Variants in HOMER2 observed in about 807,000 individuals in gnomAD.
The protein encoded by HOMER2 is homer scaffold protein 2.
In HOMER2, 27 loss-of-function variants were observed where a neutral mutation model predicts 47.0. That is an observed-to-expected ratio of 0.57 (90% CI 0.42 to 0.79). The LOEUF (loss-of-function observed/expected upper bound fraction) is 0.79. Ranked by LOEUF, HOMER2 falls within the 30% of genes least tolerant of loss-of-function variation. The pLI, the probability that HOMER2 is intolerant of heterozygous loss-of-function variation, is 0.00. For missense variants in HOMER2, 443 were observed against 435.0 expected (o/e 1.02, Z -0.16); for synonymous variants, 161 against 163.8 (o/e 0.98, Z 0.13).
chr15:82,877,561 T>C (rs2052390650), intron 2 of HOMER2, among the ~76,000 whole-genome samples: 2 of 152,200 alleles, frequency 1.3e-5, no homozygotes, highest in African/African-American at 4.8e-5. Flanking sequence ...GTTGTCTGAC[T>C]CCAAGACTTG....
At chr15:82,975,901 A>T (rs1194398456) in intron 1 of HOMER2, among the ~76,000 whole-genome samples, 1 of 152,234 alleles carries the variant, frequency 6.6e-6, no homozygotes, top group Non-Finnish European at 1.5e-5. Flanking sequence ...TTGAGGGGAT[A>T]GATACCCCAT....
intron 8 of HOMER2, among the ~76,000 whole-genome samples, chr15:82,850,447 T>A (rs572406907): frequency 7.4e-4 from 113 of 152,324 alleles, no homozygotes; most frequent in African/African-American, 2.3e-3. Flanking sequence ...ACCATGGAGA[T>A]GTTCTGTGGC....
At position 82,970,489 on chromosome 15, in the gene HOMER2, T is replaced by C. The variant is rs2029947308; in HGVS notation, n.83-11181A>G. On this transcript the variant is annotated intron_variant and non_coding_transcript_variant, in intron 1 of 1. Coordinates refer to the HOMER2 transcript ENST00000500334. ...CCACTGACTCATAATTCTTTTTTTA[T>C]CTTTGGTTTTGATCCTTACTTCCCA... is the stretch of plus-strand genomic sequence containing the variant. Among the ~76,000 whole-genome samples, 6 of 152,220 alleles carry C rather than the reference T, an allele frequency of 3.9e-5. No homozygotes were observed. The South Asian group carries it at 1.2e-3, about 32-fold the overall frequency.
intron 2 of HOMER2, among the ~76,000 whole-genome samples, chr15:82,877,668 T>G (rs1359660900): frequency 6.6e-6 from 1 of 152,200 alleles, no homozygotes; most frequent in Non-Finnish European, 1.5e-5. Flanking sequence ...AGTACTGATG[T>G]TCATGTGCTA....
At chr15:82,892,460 G>A (rs1403243924) in intron 2 of HOMER2, among the ~76,000 whole-genome samples, 1 of 152,130 alleles carries the variant, frequency 6.6e-6, no homozygotes, top group South Asian at 2.1e-4. Flanking sequence ...ATTATAGGCC[G>A]TCGGCAGAAT....
chr15:82,859,973 C>T (rs571046916), intron 4 of HOMER2, among the ~76,000 whole-genome samples: 9 of 152,180 alleles, frequency 5.9e-5, no homozygotes, highest in Middle Eastern at 3.4e-3. Flanking sequence ...GTCGGCCGGG[C>T]GCGGTGGCTC....
chr15:82,926,820 C>T (rs1400015745), intron 1 of HOMER2, among the ~76,000 whole-genome samples: 1 of 152,238 alleles, frequency 6.6e-6, no homozygotes, highest in African/African-American at 2.4e-5. Context: ...GTGAGTTCCA[C>T]CCTTTTTTCT....
At chr15:82,974,074 G>A (rs1242312403) in intron 1 of HOMER2, among the ~76,000 whole-genome samples, 1 of 151,550 alleles carries the variant, frequency 6.6e-6, no homozygotes, top group African/African-American at 2.4e-5. Context: ...CTCCAGCCTG[G>A]GTGAAAAAAT....
chr15:82,847,523 T>G (rs1317109966), downstream of HOMER2, among the ~76,000 whole-genome samples: 1 of 152,208 alleles, frequency 6.6e-6, no homozygotes, highest in Admixed American at 6.5e-5. Flanking sequence ...GGGTCTCAAC[T>G]GCACAGCAGC....
intron 2 of HOMER2, among the ~76,000 whole-genome samples, chr15:82,892,194 G>A (rs1435863453): frequency 1.3e-5 from 2 of 152,072 alleles, no homozygotes; most frequent in Non-Finnish European, 2.9e-5. Flanking sequence ...GCTGGCAAGG[G>A]TGCAACAACA....
intron 1 of HOMER2, among the ~76,000 whole-genome samples, chr15:82,969,328 C>G (rs981714273): frequency 6.6e-6 from 1 of 152,192 alleles, no homozygotes; most frequent in Non-Finnish European, 1.5e-5. Context: ...CTTACCTAAC[C>G]TCCCCAGTGG....
chr15:82,944,417 A>T (rs2219889), intron 1 of HOMER2, among the ~76,000 whole-genome samples: 11,902 of 152,212 alleles, frequency 0.078, 788 homozygotes, highest in African/African-American at 0.18. Context: ...TAGAAGCTTT[A>T]TGCCCCAATT....
chr15:82,964,845 G>A (rs879785607), intron 1 of HOMER2, among the ~76,000 whole-genome samples: 1 of 152,132 alleles, frequency 6.6e-6, no homozygotes, highest in South Asian at 2.1e-4. Flanking sequence ...TTTACAGAAA[G>A]CAGTGTTTCC....
intron 1 of HOMER2, among the ~76,000 whole-genome samples, chr15:82,961,975 G>A (rs1447822979): frequency 2.0e-5 from 3 of 152,004 alleles, no homozygotes; most frequent in Non-Finnish European, 4.4e-5. Flanking sequence ...TGTTGGCCAG[G>A]CTGGTCTCAA....
chr15:82,890,105 G>C (rs971890433), intron 2 of HOMER2, among the ~76,000 whole-genome samples: 1 of 152,160 alleles, frequency 6.6e-6, no homozygotes, highest in Non-Finnish European at 1.5e-5. Context: ...AGCACTTTGG[G>C]AGGCCGAGGG....
rs948976328 is a variant in HOMER2, at chr15:82,952,689, C to G, written c.-154G>C. 8.1e-6 allele frequency: 8 copies of G among 987,538 alleles called. No individual in the cohort carries two copies. In the African/African-American group the frequency reaches 1.4e-4, roughly 17 times the overall value. 61.2% of individuals were successfully genotyped at this position (987,538 alleles called of 1,614,324 possible). ...ATTCCGCGGGGCTGCGCGGCTGCCA[C>G]TGCTGCCACTGCCGCCACCGCCGCC... On this transcript the variant is annotated 5_prime_UTR_variant, in exon 1 of 9. Coordinates refer to ENST00000450735, the MANE Select transcript of HOMER2 (RefSeq NM_004839.4).
chr15:82,866,439 C>T (rs2051970429), intron 3 of HOMER2, among the ~76,000 whole-genome samples: 1 of 152,142 alleles, frequency 6.6e-6, no homozygotes, highest in South Asian at 2.1e-4. Flanking sequence ...TCAGATGAGA[C>T]CGGACTGTGG....
intron 1 of HOMER2, among the ~76,000 whole-genome samples, chr15:82,907,540 A>AGAGAAAGG (rs982047694): frequency 5.1e-4 from 78 of 152,134 alleles, no homozygotes; most frequent in Admixed American, 5.2e-4. Flanking sequence ...ACAGAAAGGG[A>AGAGAAAGG]GAGAAAGGGA....
At chr15:82,864,033 A>T (rs2051880376) in intron 4 of HOMER2, 134 bp downstream of exon 4, 1 of 546,218 alleles carries the variant, frequency 1.8e-6, no homozygotes, top group Admixed American at 3.6e-5. Flanking sequence ...TGTCACTGTG[A>T]TCAGGCTAAT....
Sources: allele counts gnomAD v4.1 joint callset (sites outside exome capture counted in the v4.1 genomes callset), GRCh38; gene constraint gnomAD v4.1.1; transcripts MANE v1.5; gene names NCBI Gene and HGNC (gene_info 2026-07-23, HGNC 2026-07-21).